The following PBX1 variants were observed in gnomAD, a reference collection of about 807,000 sequenced individuals.
PBX1 encodes the protein pre-B-cell leukemia transcription factor 1.
A neutral mutation model predicts 53.4 loss-of-function variants in PBX1; 6 were observed. That is an observed-to-expected ratio of 0.11 (90% CI 0.06 to 0.22). PBX1 has a LOEUF of 0.22. PBX1 is among the 10% of genes least tolerant of loss of function. PBX1 has a pLI of 1.00. For synonymous variants in PBX1, 204 were observed against 212.3 expected (o/e 0.96, Z 0.34); for missense variants, 251 against 551.4 (o/e 0.46, Z 5.46).
At chr1:164,698,671 C>G (rs1662928905) in intron 2 of PBX1, among the ~76,000 whole-genome samples, 2 of 152,192 alleles carry the variant, frequency 1.3e-5, no homozygotes, top group Non-Finnish European at 2.9e-5. Context: ...TCAGAGCGCC[C>G]AAAAGCCACC....
intron 4 of PBX1, among the ~76,000 whole-genome samples, chr1:164,806,418 G>C (rs1016879409): frequency 2.0e-5 from 3 of 152,128 alleles, no homozygotes; most frequent in Non-Finnish European, 4.4e-5. Flanking sequence ...TCCTTTTGAG[G>C]GATGTCAAGC....
intron 2 of PBX1, among the ~76,000 whole-genome samples, chr1:164,586,391 T>G (rs1654955130): frequency 6.6e-6 from 1 of 152,218 alleles, no homozygotes; most frequent in Non-Finnish European, 1.5e-5. Flanking sequence ...TTTCCCCTTT[T>G]CATTTCCAAG....
At chr1:164,863,267 A>G (rs1323879748) in intron 2 of PBX1, among the ~76,000 whole-genome samples, 1 of 152,228 alleles carries the variant, frequency 6.6e-6, no homozygotes, top group Non-Finnish European at 1.5e-5. Context: ...ATGCGTTAGC[A>G]GAGGGCAAGG....
At chr1:164,614,125 A>G (rs1454245908) in intron 2 of PBX1, among the ~76,000 whole-genome samples, 1 of 152,184 alleles carries the variant, frequency 6.6e-6, no homozygotes, top group Non-Finnish European at 1.5e-5. Context: ...GCAAAGTACA[A>G]TTCCGTTCTT....
intron 2 of PBX1, among the ~76,000 whole-genome samples, chr1:164,606,433 T>A (rs972858941): frequency 3.3e-5 from 5 of 152,112 alleles, no homozygotes; most frequent in Non-Finnish European, 5.9e-5. Context: ...GAGGTTGCAG[T>A]GAGCTACGAA....
At chr1:164,873,116 T>C (rs1356479906) in intron 2 of PBX1, among the ~76,000 whole-genome samples, 1 of 152,178 alleles carries the variant, frequency 6.6e-6, no homozygotes, top group Admixed American at 6.5e-5. Context: ...AACCAGTATA[T>C]GGTCGAGACA....
chr1:164,708,369 A>G (rs1663563758), intron 2 of PBX1, among the ~76,000 whole-genome samples: 3 of 121,974 alleles, frequency 2.5e-5, no homozygotes, highest in Admixed American at 9.6e-5. Context: ...CTTTACACAT[A>G]TATAGTCTTT....
intron 2 of PBX1, among the ~76,000 whole-genome samples, chr1:164,870,215 TTCTTTCCTTCC>T (rs1672319575): frequency 5.4e-5 from 5 of 92,876 alleles, no homozygotes; most frequent in Admixed American, 4.2e-4. Context: ...TTTCTTTTCT[TTCTTTCCTTCC>T]TTCCTTCCTT....
intron 2 of PBX1, among the ~76,000 whole-genome samples, chr1:164,870,005 A>G (rs986613576): frequency 2.6e-5 from 4 of 152,182 alleles, no homozygotes; most frequent in African/African-American, 7.2e-5. Context: ...TAAGAGATCC[A>G]TTAGTTCACA....
At chr1:164,670,799 G>T (rs879649042) in intron 2 of PBX1, among the ~76,000 whole-genome samples, 1 of 152,218 alleles carries the variant, frequency 6.6e-6, no homozygotes, top group Non-Finnish European at 1.5e-5. Context: ...ATGCCGTTAA[G>T]ATTGAGGGGA....
intron 2 of PBX1, among the ~76,000 whole-genome samples, chr1:164,874,887 T>C (rs75239199): frequency 0.023 from 3,480 of 152,254 alleles, 135 homozygotes; most frequent in African/African-American, 0.079. Flanking sequence ...TCATTGTAGG[T>C]AGGAAAATGA....
chr1:164,633,095 T>A (rs1478493555), intron 2 of PBX1, among the ~76,000 whole-genome samples: 1 of 152,188 alleles, frequency 6.6e-6, no homozygotes, highest in Non-Finnish European at 1.5e-5. Flanking sequence ...TAGAATGTCC[T>A]TGAATGGATG....
chr1:164,812,258 A>G, intron 6 of PBX1, 109 bp downstream of exon 6: 3 of 1,032,126 alleles, frequency 2.9e-6, no homozygotes, highest in East Asian at 2.6e-5. Context: ...TTGATTGGTT[A>G]ATTTCTGTAT....
chr1:164,652,562 A>C (rs1023500906), intron 2 of PBX1, among the ~76,000 whole-genome samples: 6 of 152,168 alleles, frequency 3.9e-5, no homozygotes, highest in African/African-American at 1.4e-4. Context: ...AGAAGGTGAG[A>C]GAAGAGGGTT....
intron 2 of PBX1, among the ~76,000 whole-genome samples, chr1:164,679,558 A>G (rs67874072): frequency 0.087 from 13,311 of 152,254 alleles, 655 homozygotes; most frequent in Middle Eastern, 0.14. Flanking sequence ...TTATAAAGTC[A>G]CAATCTGAGA....
At chr1:164,619,343 C>T (rs1045903180) in intron 2 of PBX1, among the ~76,000 whole-genome samples, 16 of 152,022 alleles carry the variant, frequency 1.1e-4, no homozygotes, top group Non-Finnish European at 1.5e-5. Flanking sequence ...GGAAAAAAGA[C>T]CATTAAGTGA....
chr1:164,571,329 T>C (rs1653836922), intron 2 of PBX1, among the ~76,000 whole-genome samples: 1 of 152,180 alleles, frequency 6.6e-6, no homozygotes, highest in Non-Finnish European at 1.5e-5. Context: ...CCAGTACTTT[T>C]TACCAATCAG....
At chr1:164,726,436 C>T (rs772553340) in intron 2 of PBX1, among the ~76,000 whole-genome samples, 7 of 152,156 alleles carry the variant, frequency 4.6e-5, no homozygotes, top group Non-Finnish European at 1.0e-4. Context: ...AAGATTGCCA[C>T]GTGATCTGTT....
chr1:164,746,249 C>T (rs1367043309), intron 2 of PBX1, among the ~76,000 whole-genome samples: 2 of 152,180 alleles, frequency 1.3e-5, no homozygotes, highest in Non-Finnish European at 2.9e-5. Flanking sequence ...TAAGAAGTAC[C>T]TCACTCGCAA....
Sources: gnomAD v4.1 joint callset for allele counts (sites outside exome capture counted in the v4.1 genomes callset) on GRCh38, gnomAD v4.1.1 for gene constraint, MANE v1.5 for transcripts, NCBI Gene and HGNC (gene_info 2026-07-23, HGNC 2026-07-21) for gene names.